Variants in NUP153 observed in about 807,000 individuals in gnomAD.
NUP153 encodes the protein nuclear pore complex protein Nup153.
Under a neutral mutation model 134.6 loss-of-function variants are expected in NUP153, and 27 were observed. The observed-to-expected ratio is 0.20, with a 90% confidence interval of 0.15 to 0.28. NUP153 has a LOEUF of 0.28. Ranked by LOEUF, NUP153 falls within the 10% of genes least tolerant of loss-of-function variation. The pLI is 1.00. For missense variants in NUP153, 1,821 were observed against 1,731.3 expected (o/e 1.05, Z -0.92); for synonymous variants, 640 against 623.5 (o/e 1.03, Z -0.40).
chr6:17,667,374 TA>T (rs1282908417), intron 8 of NUP153, among the ~76,000 whole-genome samples: 1 of 152,196 alleles, frequency 6.6e-6, no homozygotes. Context: ...AATTATAATT[TA>T]AATAATTACT....
intron 2 of NUP153, among the ~76,000 whole-genome samples, chr6:17,685,541 T>C (rs1248879988): frequency 7.8e-6 from 1 of 127,694 alleles, no homozygotes; most frequent in East Asian, 2.2e-4. Flanking sequence ...AGAGCAAGAC[T>C]CCGTCTCAAA....
chr6:17,648,034 C>T, intron 12 of NUP153, 129 bp from the exon 13 acceptor site: 1 of 636,278 alleles, frequency 1.6e-6, no homozygotes, highest in South Asian at 2.0e-5. Flanking sequence ...ATTTAAAAAT[C>T]TCACTTTAAA....
chr6:17,640,167 A>G (rs1162009905), intron 14 of NUP153, 103 bp from the exon 15 acceptor site: 5 of 896,006 alleles, frequency 5.6e-6, no homozygotes, highest in Non-Finnish European at 7.8e-6. Context: ...TTAATTTCTA[A>G]AAGTTCATGA....
chr6:17,616,200 TC>T lies in NUP153; in HGVS notation c.4344-20del. On this transcript the variant is annotated intron_variant, in intron 21 of 21. Transcript: ENST00000262077. ...ATTTGACCTGTGAAAAATAAAAACT[TC>T]ATAATGTGACATGATGCTCTGAGCA... is the stretch of plus-strand genomic sequence containing the variant. The T allele has an allele frequency of 7.0e-7, 1 of 1,435,348 alleles. No homozygotes were observed. The highest frequency in any genetic ancestry group is 9.3e-7 in the Non-Finnish European group (1 of 1,069,704). The allele number at this position is 1,435,348 out of a possible 1,614,324, so 88.9% of individuals were successfully genotyped here.
rs1283717359 is a variant in NUP153, at chr6:17,640,332, TAATC to T, written c.1721-272_1721-269del. 2.0e-5 allele frequency among the ~76,000 whole-genome samples: 3 copies of T among 152,316 alleles called. 1 individual carries two copies. The highest frequency in any genetic ancestry group is 6.8e-3 in the Middle Eastern group (2 of 294). On this transcript the variant is annotated intron_variant, in intron 14 of 21. Coordinates refer to ENST00000262077, the MANE Select transcript of NUP153 (RefSeq NM_005124.4). ...AATTATCGTCCAATTAACTGACTGA[TAATC>T]AAAACAATCAAACTAAAAAACTGGA...
Position 17,647,817 on chromosome 6 carries a change from G to A in NUP153, c.1622C>T (p.Pro541Leu). ...IVKSTEANVLPPSSIGFTFSV... is the reference protein window; with the variant it reads ...IVKSTEANVLLPSSIGFTFSV... Reference sequence around the variant, plus strand: ...TTGCTTGTTACTTACAGATGATGGAGGTAGTACATTTGCCTCAGTAGATTT... The same window carrying A: ...TTGCTTGTTACTTACAGATGATGGAAGTAGTACATTTGCCTCAGTAGATTT... Residue 541 changes from proline to leucine, a missense_variant, in exon 13 of 22, where the codon CCT (proline) becomes CTT (leucine). Coordinates refer to ENST00000262077, the MANE Select transcript of NUP153 (RefSeq NM_005124.4). 3.2e-6 allele frequency: 5 copies of A among 1,579,914 alleles called. No individual in the cohort carries two copies. Among genetic ancestry groups the A allele is most frequent in the Non-Finnish European group, 2.6e-6 (3 of 1,148,982 alleles).
In NUP153 at chr6:17,640,050, T is replaced by C. The variant is rs1169103175; in HGVS notation, c.1735A>G (p.Thr579Ala). The part of the protein sequence containing the change: ...IISSSAHHVT[T>A]VNSTNCKKTP... Reference sequence around the variant, plus strand: ...TTCTTACAATTTGTACTGTTCACTGTAGTGACATGATGAGCTGTAATTTTT... The same window carrying C: ...TTCTTACAATTTGTACTGTTCACTGCAGTGACATGATGAGCTGTAATTTTT... The change falls in exon 15 of 22, where the codon ACA (threonine) becomes GCA (alanine). Residue 579 changes from threonine to alanine, a missense_variant. Thr to Ala is a moderately conservative substitution (Grantham distance 58). Coordinates refer to ENST00000262077, the MANE Select transcript of NUP153 (RefSeq NM_005124.4). 1.9e-6 allele frequency: 3 copies of C among 1,587,354 alleles called. No homozygotes were observed. Among genetic ancestry groups the C allele is most frequent in the East Asian group, 2.3e-5 (1 of 44,176 alleles).
chr6:17,620,601 G>A (rs1764599392), intron 20 of NUP153, among the ~76,000 whole-genome samples: 1 of 152,196 alleles, frequency 6.6e-6, no homozygotes, highest in Non-Finnish European at 1.5e-5. Context: ...CCAACCGAGA[G>A]GCCACATGTA....
At chr6:17,621,953 CT>C (rs1218464091) in intron 20 of NUP153, among the ~76,000 whole-genome samples, 1 of 151,874 alleles carries the variant, frequency 6.6e-6, no homozygotes, top group Non-Finnish European at 1.5e-5. Flanking sequence ...AAATGAAAAA[CT>C]TTAAAATATT....
chr6:17,618,623 T>G (rs889777264), intron 20 of NUP153, among the ~76,000 whole-genome samples: 1 of 150,034 alleles, frequency 6.7e-6, no homozygotes, highest in South Asian at 2.1e-4. Flanking sequence ...TGGAGTGCAG[T>G]GGCACGGTCT....
intron 1 of NUP153, among the ~76,000 whole-genome samples, chr6:17,700,676 C>T (rs572234904): frequency 2.0e-5 from 3 of 152,202 alleles, no homozygotes; most frequent in East Asian, 3.9e-4. Flanking sequence ...AAGAAGCTAC[C>T]AAAACAAATA....
chr6:17,675,208 T>C lies in NUP153; in HGVS notation c.723+21A>G. The C allele has an allele frequency of 1.2e-6, 2 of 1,612,204 alleles. No individual in the cohort carries two copies. The highest frequency in any genetic ancestry group is 1.7e-6 in the Non-Finnish European group (2 of 1,179,118). ...AACACTCAAAACTAATGTGATTAAA[T>C]CCAACCCAGTTAGTACTCACAGGGG... On this transcript the variant is annotated intron_variant, in intron 4 of 21. Coordinates refer to ENST00000262077, the MANE Select transcript of NUP153 (RefSeq NM_005124.4). This position sits in a 1 kb window ranked among gnomAD's most constrained non-coding sequence, Gnocchi z 4.4.
chr6:17,684,913 G>A (rs138014616), intron 2 of NUP153, among the ~76,000 whole-genome samples: 1,970 of 152,282 alleles, frequency 0.013, 19 homozygotes, highest in Non-Finnish European at 0.02. Context: ...TCTTATATGG[G>A]TGTGGCTCGT....
In NUP153 at chr6:17,629,414, G is replaced by C. The variant is rs771145122; in HGVS notation, c.2785C>G (p.Gln929Glu). ...GACACACCTATTTTGAATCCTCCCTGATCTCCAAATTTAAAATTTCCAGTG... is the reference window on the plus strand; with the variant it reads ...GACACACCTATTTTGAATCCTCCCTCATCTCCAAATTTAAAATTTCCAGTG... The part of the protein sequence containing the change: ...TSTGNFKFGD[Q>E]GGFKIGVSSD... Residue 929 changes from glutamine (Q) to glutamate (E), a missense_variant, in exon 18 of 22, where the codon CAG becomes GAG. By Grantham distance (29) the Gln-to-Glu change is conservative. Transcript: ENST00000262077. 4 of 1,614,056 alleles carry C rather than the reference G, an allele frequency of 2.5e-6. No individual in the cohort carries two copies. In the Admixed American group the frequency reaches 6.7e-5, roughly 27 times the overall value.
intron 20 of NUP153, among the ~76,000 whole-genome samples, chr6:17,618,757 G>A (rs749789563): frequency 7.2e-5 from 11 of 152,092 alleles, no homozygotes; most frequent in East Asian, 5.8e-4. Flanking sequence ...TAGTAGAGAT[G>A]GGGTTTCACC....
At position 17,706,202 on chromosome 6, in the gene NUP153, G is replaced by C; in HGVS notation, c.111+75C>G. 8.4e-7 allele frequency: 1 copy of C among 1,196,746 alleles called. No homozygotes were observed. 74.1% of individuals were successfully genotyped at this position (1,196,746 alleles called of 1,614,324 possible). A position where few individuals can be genotyped will look rare whatever the true frequency, so the allele number is the denominator to read the frequency against. On this transcript the variant is annotated intron_variant, in intron 1 of 21. Coordinates refer to ENST00000262077, the MANE Select transcript of NUP153 (RefSeq NM_005124.4). This position sits in a 1 kb window ranked among gnomAD's most constrained non-coding sequence, Gnocchi z 5.9. The stretch of plus-strand genomic sequence containing the variant: ...TCCTGTCTGCTCCACGTGGGGCGCC[G>C]GGGCCTCGAACCGCCCGTCCCCTCC...
intron 11 of NUP153, among the ~76,000 whole-genome samples, chr6:17,649,996 CTT>C (rs1766423036): frequency 6.6e-6 from 1 of 152,212 alleles, no homozygotes; most frequent in East Asian, 1.9e-4. Context: ...TGGAGAGCCA[CTT>C]TGATTTTTAA....
intron 5 of NUP153, among the ~76,000 whole-genome samples, chr6:17,671,641 T>C (rs188493784): frequency 1.3e-5 from 2 of 152,296 alleles, no homozygotes; most frequent in East Asian, 1.9e-4. Context: ...AGATATACCA[T>C]GTTCATGGTT....
At chr6:17,616,483 C>A in intron 21 of NUP153, 44 bp downstream of exon 21, 1 of 1,540,546 alleles carries the variant, frequency 6.5e-7, no homozygotes, top group Non-Finnish European at 8.8e-7. Context: ...ATGCACATAC[C>A]CTTACCAATG....
Sources: gnomAD v4.1 joint callset for allele counts (sites outside exome capture counted in the v4.1 genomes callset) on GRCh38, gnomAD v4.1.1 for gene constraint, Gnocchi (gnomAD v3.1) non-coding constraint, MANE v1.5 for transcripts, NCBI Gene and HGNC (gene_info 2026-07-23, HGNC 2026-07-21) for gene names.